The following DNAH5 variants were observed in gnomAD, a reference collection of about 807,000 sequenced individuals.
The protein encoded by DNAH5 is dynein axonemal heavy chain 5.
DNAH5 carries 372 observed loss-of-function variants against 518.2 expected under a neutral mutation model. The observed-to-expected ratio is 0.72, with a 90% CI of 0.66 to 0.78. DNAH5 has a LOEUF of 0.78. DNAH5 is among the 30% of genes least tolerant of loss of function. DNAH5 has a pLI of 0.00. For synonymous variants in DNAH5, 2,039 were observed against 2,025.9 expected, an observed-to-expected ratio of 1.01 and a Z score of -0.17; for missense variants, 5,523 against 5,687.0, an observed-to-expected ratio of 0.97 and a Z score of 0.93.
chr5:13,930,809 C>T (rs1054235164), intron 2 of DNAH5, among the ~76,000 whole-genome samples: 14 of 152,182 alleles, frequency 9.2e-5, no homozygotes, highest in Non-Finnish European at 1.3e-4. Flanking sequence ...AGATTCTGTT[C>T]CCCGGCTTTA....
intron 41 of DNAH5, among the ~76,000 whole-genome samples, chr5:13,819,251 G>GA (rs1218597409): frequency 6.6e-6 from 1 of 152,136 alleles, no homozygotes; most frequent in Non-Finnish European, 1.5e-5. Flanking sequence ...CAGCATACAT[G>GA]AAAAACCACG....
intron 12 of DNAH5, among the ~76,000 whole-genome samples, chr5:13,910,775 G>A (rs1001462565): frequency 3.9e-5 from 6 of 152,166 alleles, no homozygotes; most frequent in South Asian, 2.1e-4. Context: ...GAACTGGCTA[G>A]CCCAACCCCT....
chr5:13,862,791 C>T (rs763158513), intron 28 of DNAH5, 44 bp from the exon 29 acceptor site: 45 of 1,533,906 alleles, frequency 2.9e-5, no homozygotes, highest in Middle Eastern at 1.8e-4. Flanking sequence ...GAAAGTCACA[C>T]GTCCTTCCTT....
At chr5:13,968,572 C>A (rs1299542052) in intron 1 of DNAH5, among the ~76,000 whole-genome samples, 1 of 152,156 alleles carries the variant, frequency 6.6e-6, no homozygotes, top group Non-Finnish European at 1.5e-5. Flanking sequence ...TTGAGATGAT[C>A]ATGTGATTTT....
At chr5:13,702,474 G>A (rs769182558) in intron 76 of DNAH5, among the ~76,000 whole-genome samples, 21 of 152,154 alleles carry the variant, frequency 1.4e-4, no homozygotes, top group African/African-American at 4.8e-4. Context: ...AGAGGGAGCC[G>A]CTAATGAGAG....
chr5:13,784,696 T>C (rs1463140336), intron 52 of DNAH5, among the ~76,000 whole-genome samples: 1 of 152,218 alleles, frequency 6.6e-6, no homozygotes, highest in Admixed American at 6.5e-5. Context: ...ACCTAAATCA[T>C]GGAAGACAGT....
chr5:13,851,766 AAC>A (rs1242970272), intron 30 of DNAH5, among the ~76,000 whole-genome samples: 1 of 152,078 alleles, frequency 6.6e-6, no homozygotes, highest in African/African-American at 2.4e-5. Context: ...TAAAAAGAAA[AAC>A]ATGGGAATCC....
Position 13,830,209 on chromosome 5 carries a change from C to T in DNAH5, c.6066G>A (p.Leu2022=). ...AACAACCCCAGGATCCAGACTGTGC[C>T]AGTCCTTCGAAAGGAAATTAAATGA... ...FRGLGRIFKG[L]AQSGSWGCFD... The change falls in exon 37 of 79, where the codon CTG becomes CTA. Residue 2022 remains leucine, a synonymous_variant. Coordinates refer to ENST00000265104, the MANE Select transcript of DNAH5 (RefSeq NM_001369.3). 6.2e-7 allele frequency: 1 copy of T among 1,613,590 alleles called. No individual in the cohort carries two copies. Among genetic ancestry groups the T allele is most frequent in the African/African-American group, 1.3e-5 (1 of 74,948 alleles).
intron 50 of DNAH5, among the ~76,000 whole-genome samples, chr5:13,791,104 TA>T (rs71600025): frequency 0.046 from 6,918 of 150,342 alleles, 217 homozygotes; most frequent in Non-Finnish European, 0.071. Flanking sequence ...AATAATTTTT[TA>T]AAAAAAAAAG....
rs755911946 is a variant in DNAH5, at chr5:13,720,952, A to T, written c.12279+48T>A. ...TTTTCTTCTGCATTGCTATTCTATA[A>T]CCTGTAATATGAACAGCATGGCACA... On this transcript the variant is annotated intron_variant, in intron 71 of 78. Coordinates refer to ENST00000265104, the MANE Select transcript of DNAH5 (RefSeq NM_001369.3). 18 of 1,612,980 alleles carry T rather than the reference A, an allele frequency of 1.1e-5. No individual in the cohort carries two copies. In the South Asian group the frequency reaches 2.0e-4, roughly 18 times the overall value.
intron 53 of DNAH5, among the ~76,000 whole-genome samples, chr5:13,779,670 T>C (rs1021271122): frequency 2.0e-5 from 3 of 152,168 alleles, no homozygotes; most frequent in African/African-American, 7.2e-5. Context: ...AATTATGCTT[T>C]CTCCCTGCAC....
chr5:13,781,376 T>C (rs962667240), intron 52 of DNAH5, among the ~76,000 whole-genome samples: 16 of 152,140 alleles, frequency 1.1e-4, no homozygotes, highest in Admixed American at 6.5e-4. Context: ...TCGTCGTTGA[T>C]GAGAATATCC....
chr5:13,959,135 C>T (rs562865010), intron 1 of DNAH5, among the ~76,000 whole-genome samples: 2 of 152,160 alleles, frequency 1.3e-5, no homozygotes, highest in African/African-American at 2.4e-5. Flanking sequence ...TTATTAGAGA[C>T]GGGGTTTCAC....
chr5:13,754,437 T>C, intron 61 of DNAH5, 99 bp from the exon 62 acceptor site: 1 of 1,298,182 alleles, frequency 7.7e-7, no homozygotes, highest in Non-Finnish European at 1.1e-6. Flanking sequence ...TCTGCCTTCC[T>C]GAGACATGTG....
At position 13,889,318 on chromosome 5, in the gene DNAH5, G is replaced by C. The variant is rs540380279; in HGVS notation, c.2577+1658C>G. Among the ~76,000 whole-genome samples the C allele has an allele frequency of 2.0e-5, 3 of 152,288 alleles. No individual in the cohort carries two copies. In the East Asian group the frequency reaches 5.8e-4, roughly 29 times the overall value. On this transcript the variant is annotated intron_variant, in intron 17 of 78. Transcript: ENST00000265104. ...TTTAAATGATGAGGAAGAACAAGGGGATGGTTAGGTGTACCCACAGTTAGT... is the reference window on the plus strand; with the variant it reads ...TTTAAATGATGAGGAAGAACAAGGGCATGGTTAGGTGTACCCACAGTTAGT...
At chr5:13,736,208 T>G (rs1432183086) in intron 66 of DNAH5, among the ~76,000 whole-genome samples, 1 of 152,138 alleles carries the variant, frequency 6.6e-6, no homozygotes, top group Non-Finnish European at 1.5e-5. Flanking sequence ...TTACTGCAGG[T>G]AGAAAAGACA....
chr5:13,802,500 T>C (rs1758910660), intron 47 of DNAH5, among the ~76,000 whole-genome samples: 1 of 152,198 alleles, frequency 6.6e-6, no homozygotes, highest in Non-Finnish European at 1.5e-5. Flanking sequence ...TGTAATCCCC[T>C]ATGGAAACTA....
chr5:13,708,040 A>T, intron 76 of DNAH5, 83 bp downstream of exon 76: 1 of 1,451,182 alleles, frequency 6.9e-7, no homozygotes, highest in Non-Finnish European at 9.7e-7. Flanking sequence ...TGAGTAAATT[A>T]TCCTTTCATG....
At chr5:13,902,787 A>C (rs1774815704) in intron 12 of DNAH5, among the ~76,000 whole-genome samples, 1 of 152,224 alleles carries the variant, frequency 6.6e-6, no homozygotes, top group South Asian at 2.1e-4. Flanking sequence ...TACACATGAA[A>C]TGAAAGGGAT....
Sources: gnomAD v4.1 joint callset for allele counts (sites outside exome capture counted in the v4.1 genomes callset) on GRCh38, gnomAD v4.1.1 for gene constraint, MANE v1.5 for transcripts, NCBI Gene and HGNC (gene_info 2026-07-23, HGNC 2026-07-21) for gene names.